Variants in KDM6A observed in about 807,000 individuals in gnomAD.
The protein encoded by KDM6A is lysine-specific demethylase 6A.
KDM6A carries 11 observed loss-of-function variants against 117.6 expected under a neutral mutation model. That is an observed-to-expected ratio of 0.09 (90% CI 0.06 to 0.15). The LOEUF (loss-of-function observed/expected upper bound fraction) is 0.15. Ranked by LOEUF, KDM6A falls within the 10% of genes least tolerant of loss-of-function variation. KDM6A has a pLI of 1.00. For synonymous variants in KDM6A, 384 were observed against 396.1 expected (o/e 0.97, Z 0.36); for missense variants, 799 against 1,077.3 (o/e 0.74, Z 3.62).
intron 2 of KDM6A, among the ~76,000 whole-genome samples, chrX:44,959,500 G>A (rs755796987): frequency 2.7e-5 from 3 of 109,954 alleles, no homozygotes; most frequent in Non-Finnish European, 5.7e-5. Context: ...AAACATAGTT[G>A]CTTATAAATT....
chrX:44,946,097 C>A (rs1277546070), intron 2 of KDM6A, among the ~76,000 whole-genome samples: 8 of 112,281 alleles, frequency 7.1e-5, no homozygotes, highest in Non-Finnish European at 1.3e-4. Context: ...AGTGGCAGAT[C>A]AGATTTTCTT....
chrX:44,996,973 C>T (rs780842344), intron 4 of KDM6A, among the ~76,000 whole-genome samples: 1 of 111,513 alleles, frequency 9.0e-6, no homozygotes, highest in South Asian at 3.8e-4. Flanking sequence ...GGGTGTGGCT[C>T]GCTTCTTCAG....
chrX:44,931,917 T>A (rs945903957), intron 2 of KDM6A, among the ~76,000 whole-genome samples: 1 of 109,683 alleles, frequency 9.1e-6, no homozygotes, highest in Non-Finnish European at 1.9e-5. Flanking sequence ...AAAAATATCA[T>A]CTTATTTGGT....
At chrX:44,896,096 CAG>C (rs1223947248) in intron 2 of KDM6A, among the ~76,000 whole-genome samples, 3 of 103,480 alleles carry the variant, frequency 2.9e-5, no homozygotes, top group Non-Finnish European at 5.9e-5. Flanking sequence ...TTTTTTGAGA[CAG>C]AGTCTGGCTC....
chrX:44,976,763 T>C (rs894887495), intron 4 of KDM6A, among the ~76,000 whole-genome samples: 4 of 111,953 alleles, frequency 3.6e-5, no homozygotes, highest in African/African-American at 9.8e-5. Flanking sequence ...ATTTTTTGGC[T>C]ATTGTGAATA....
chrX:44,874,079 G>A, intron 2 of KDM6A, 92 bp downstream of exon 2: 1 of 843,890 alleles, frequency 1.2e-6, no homozygotes, highest in Non-Finnish European at 1.7e-6. Flanking sequence ...TGCTCATTGT[G>A]GCCACGGACG....
At chrX:45,072,157 G>T (rs2044878688) in intron 18 of KDM6A, among the ~76,000 whole-genome samples, 1 of 111,935 alleles carries the variant, frequency 8.9e-6, no homozygotes, top group Non-Finnish European at 1.9e-5. Context: ...CTATTTAGTT[G>T]TTATTCTGAC....
chrX:44,979,939 T>C (rs1476177342), intron 4 of KDM6A, among the ~76,000 whole-genome samples: 2 of 111,436 alleles, frequency 1.8e-5, no homozygotes, highest in Non-Finnish European at 3.8e-5. Flanking sequence ...TTTTGTTTAC[T>C]ATGTTCTTGA....
intron 20 of KDM6A, among the ~76,000 whole-genome samples, chrX:45,078,852 G>A (rs2045259488): frequency 9.1e-6 from 1 of 109,799 alleles, no homozygotes; most frequent in African/African-American, 3.3e-5. Flanking sequence ...AAATACTATA[G>A]CCCCATAAGT....
At chrX:45,057,062 T>G (rs1242791098) in intron 10 of KDM6A, among the ~76,000 whole-genome samples, 8 of 111,515 alleles carry the variant, frequency 7.2e-5, no homozygotes, top group Non-Finnish European at 1.5e-4. Context: ...TCTTACATCT[T>G]TCAAACCACA....
intron 2 of KDM6A, among the ~76,000 whole-genome samples, chrX:44,945,956 C>T (rs1569469827): frequency 8.9e-6 from 1 of 112,278 alleles, no homozygotes; most frequent in African/African-American, 3.2e-5. Flanking sequence ...AGGGCTACCA[C>T]CTAGTGGTTT....
Position 45,112,725 on chromosome X carries a change from T to C in KDM6A, c.*1314T>C, listed in dbSNP as rs142132102. 968 of 120,229 alleles carry C rather than the reference T, an allele frequency of 8.1e-3. 12 individuals carry two copies. The highest frequency in any genetic ancestry group is 0.03 in the African/African-American group (927 of 31,093). The allele number at this position is 120,229 out of a possible 1,213,427, so 9.9% of individuals were successfully genotyped here. The stretch of plus-strand genomic sequence containing the variant: ...TTTATATGGAAAAGGGGATTCAGGA[T>C]GAAGGGCTCTATTTTAGAATGCAAA... On this transcript the variant is annotated 3_prime_UTR_variant, in exon 30 of 30. Coordinates refer to ENST00000611820, the MANE Select transcript of KDM6A (RefSeq NM_001291415.2).
chrX:45,040,476 G>C (rs1226196932), intron 8 of KDM6A, among the ~76,000 whole-genome samples: 1 of 85,139 alleles, frequency 1.2e-5, no homozygotes. Flanking sequence ...TCCCGGATGG[G>C]GCGGCTGGCC....
intron 2 of KDM6A, among the ~76,000 whole-genome samples, chrX:44,927,910 C>A (rs181929502): frequency 9.0e-6 from 1 of 111,049 alleles, no homozygotes; most frequent in Non-Finnish European, 1.9e-5. Flanking sequence ...AGTCTGTAAA[C>A]AAACAGCAAC....
intron 4 of KDM6A, among the ~76,000 whole-genome samples, chrX:44,996,686 T>C (rs1324605910): frequency 9.0e-6 from 1 of 110,763 alleles, no homozygotes; most frequent in Non-Finnish European, 1.9e-5. Context: ...CTGTATAAAT[T>C]GAATCAGCAA....
At chrX:44,921,139 C>T (rs1238348942) in intron 2 of KDM6A, among the ~76,000 whole-genome samples, 3 of 110,787 alleles carry the variant, frequency 2.7e-5, no homozygotes, top group African/African-American at 9.8e-5. Flanking sequence ...TCCCAAAATG[C>T]TAGGATTACT....
rs2039534127 is a variant in KDM6A at position 44,974,722 on chromosome X, G to A, written c.384+7G>A. ...ACAGTCTGACTACTGGAAGGTTAGTGTACATTTGCATGCTGATTTCATGTT... is the reference window on the plus strand; with the variant it reads ...ACAGTCTGACTACTGGAAGGTTAGTATACATTTGCATGCTGATTTCATGTT... On this transcript the variant is annotated splice_region_variant and intron_variant, in intron 4 of 29. Coordinates refer to ENST00000611820, the MANE Select transcript of KDM6A (RefSeq NM_001291415.2). 3 of 1,159,933 alleles carry A rather than the reference G, an allele frequency of 2.6e-6. No homozygotes were observed. Among genetic ancestry groups the A allele is most frequent in the Non-Finnish European group, 3.5e-6 (3 of 848,298 alleles).
chrX:45,112,662 T>C lies in KDM6A; in HGVS notation c.*1251T>C, dbSNP rs1322147815. The stretch of plus-strand genomic sequence containing the variant: ...ACTTAAGATTTTAAAGGGACTGTTA[T>C]ATGGGCTTGACAAATCCTGTACAAT... On this transcript the variant is annotated 3_prime_UTR_variant, in exon 30 of 30. Coordinates refer to ENST00000611820, the MANE Select transcript of KDM6A (RefSeq NM_001291415.2). 8.0e-6 allele frequency: 1 copy of C among 124,635 alleles called. No individual in the cohort carries two copies. Among genetic ancestry groups the C allele is most frequent in the Admixed American group, 9.3e-5 (1 of 10,741 alleles). 10.3% of individuals were successfully genotyped at this position (124,635 alleles called of 1,213,427 possible). A position where few individuals can be genotyped will look rare whatever the true frequency, so the allele number is the denominator to read the frequency against.
In KDM6A at chrX:44,979,850, G is replaced by A. The variant is rs749060415; in HGVS notation, c.384+5135G>A. ...CATTTCTTCTTTGAAAAATATCAAC[G>A]TACAATTTAGTTTTCTGTTTCTAGA... On this transcript the variant is annotated intron_variant, in intron 4 of 29. Transcript: ENST00000611820. Among the ~76,000 whole-genome samples the A allele has an allele frequency of 2.7e-5, 3 of 110,038 alleles. No individual in the cohort carries two copies. In the South Asian group the frequency reaches 1.2e-3, roughly 43 times the overall value.
Sources: allele counts gnomAD v4.1 joint callset (sites outside exome capture counted in the v4.1 genomes callset), GRCh38; gene constraint gnomAD v4.1.1; transcripts MANE v1.5; gene names NCBI Gene and HGNC (gene_info 2026-07-23, HGNC 2026-07-21).